FAT3: variants seen among roughly 807,000 people sequenced by gnomAD.
FAT3 encodes protocadherin Fat 3.
Under a neutral mutation model 310.2 loss-of-function variants are expected in FAT3, and 95 were observed. The ratio of observed to expected loss-of-function variants is 0.31; its 90% CI spans 0.26 to 0.36. The LOEUF is 0.36. FAT3 is among the 10% of genes least tolerant of loss of function. The pLI is 1.00. For missense variants in FAT3, 5,408 were observed against 5,715.6 expected (o/e 0.95, Z 1.74); for synonymous variants, 2,314 against 2,192.9 (o/e 1.06, Z -1.54).
At chr11:92,412,744 TAAATATAC>T (rs1378553975) in intron 2 of FAT3, among the ~76,000 whole-genome samples, 998 of 32,824 alleles carry the variant, frequency 0.03, 179 homozygotes, top group African/African-American at 0.077. Context: ...TATATATATA[TAAATATAC>T]ATACATATAT....
Position 92,467,398 on chromosome 11 carries a change from T to G in FAT3, c.3293-57236T>G, listed in dbSNP as rs988028400. ...CTTTTGACATATTTAGTAATTCTCC[T>G]CTTTTGTGAACACACAAACACACAC... On this transcript the variant is annotated intron_variant, in intron 2 of 27. Coordinates refer to ENST00000525166, the MANE Select transcript of FAT3 (RefSeq NM_001367949.2). Among the ~76,000 whole-genome samples the G allele has an allele frequency of 2.0e-5, 3 of 152,330 alleles. No individual in the cohort carries two copies. In the East Asian group the frequency reaches 5.8e-4, roughly 29 times the overall value.
intron 1 of FAT3, among the ~76,000 whole-genome samples, chr11:92,280,971 T>A (rs1231212840): frequency 6.6e-6 from 1 of 152,224 alleles, no homozygotes; most frequent in Admixed American, 6.5e-5. Context: ...CCTCTAAGAA[T>A]CTGTTTTAGT....
At chr11:92,579,847 T>C (rs778931917) in intron 3 of FAT3, among the ~76,000 whole-genome samples, 1 of 152,082 alleles carries the variant, frequency 6.6e-6, no homozygotes, top group Non-Finnish European at 1.5e-5. Flanking sequence ...CCCCAAATGG[T>C]AAAGATAATT....
At chr11:92,591,837 G>T (rs959095894) in intron 3 of FAT3, among the ~76,000 whole-genome samples, 1 of 152,020 alleles carries the variant, frequency 6.6e-6, no homozygotes, top group African/African-American at 2.4e-5. Context: ...TTATTTCTTT[G>T]GATCTGTCTT....
intron 4 of FAT3, among the ~76,000 whole-genome samples, chr11:92,755,757 C>T (rs144456069): frequency 8.5e-5 from 13 of 152,248 alleles, no homozygotes; most frequent in African/African-American, 2.4e-4. Flanking sequence ...GTTCCTCTTA[C>T]CAAATATACC....
In FAT3 at chr11:92,264,703, GC is replaced by G. The variant is rs1348502848; in HGVS notation, c.-18+39531del. 3.3e-5 allele frequency among the ~76,000 whole-genome samples: 5 copies of G among 152,108 alleles called. No homozygotes were observed. The East Asian group carries it at 7.7e-4, about 24-fold the overall frequency. ...CGTGAGAGAAGTGACAGAGACACTA[GC>G]CATGCTTCTTCCCAGTGATGCCATA... On this transcript the variant is annotated intron_variant, in intron 1 of 27. Coordinates refer to ENST00000525166, the MANE Select transcript of FAT3 (RefSeq NM_001367949.2).
At chr11:92,742,291 C>A (rs1945529868) in intron 4 of FAT3, among the ~76,000 whole-genome samples, 1 of 152,168 alleles carries the variant, frequency 6.6e-6, no homozygotes, top group African/African-American at 2.4e-5. Context: ...AACAGTACAG[C>A]AGGCCTTAGA....
intron 3 of FAT3, among the ~76,000 whole-genome samples, chr11:92,619,034 A>G (rs1940958159): frequency 6.6e-6 from 1 of 152,030 alleles, no homozygotes; most frequent in African/African-American, 2.4e-5. Flanking sequence ...GATTTGTTTC[A>G]TGTTTTAATC....
In FAT3 at chr11:92,303,907, T is replaced by A. The variant is rs139732215; in HGVS notation, c.-17-48189T>A. 1.1e-3 allele frequency among the ~76,000 whole-genome samples: 168 copies of A among 152,246 alleles called. 1 individual carries two copies. Among genetic ancestry groups the A allele is most frequent in the African/African-American group, 4.0e-3 (165 of 41,568 alleles). ...TTTAGAGGGTTTTAGATTCTGATAG[T>A]AATAAGTGCAGAACCTTTTTTTCGC... On this transcript the variant is annotated intron_variant, in intron 1 of 27. Coordinates refer to ENST00000525166, the MANE Select transcript of FAT3 (RefSeq NM_001367949.2).
chr11:92,382,046 T>A (rs191028948), intron 2 of FAT3, among the ~76,000 whole-genome samples: 289 of 152,202 alleles, frequency 1.9e-3, no homozygotes, highest in Non-Finnish European at 3.7e-3. Context: ...AAGGAGAAAA[T>A]TGAACTCTGG....
Position 92,277,859 on chromosome 11 carries a change from C to CTT in FAT3, c.-18+52695_-18+52696dup, listed in dbSNP as rs148961924. Among the ~76,000 whole-genome samples, 17 of 147,962 alleles carry CTT rather than the reference C, an allele frequency of 1.1e-4. No individual in the cohort carries two copies. In the East Asian group the frequency reaches 2.4e-3, roughly 21 times the overall value. ...TAACCCCTGATTCTAAAAAGTCAAT[C>CTT]TTTTTTTTTTTAAAAAAAAAAGGTA... On this transcript the variant is annotated intron_variant, in intron 1 of 27. Coordinates refer to ENST00000525166, the MANE Select transcript of FAT3 (RefSeq NM_001367949.2).
chr11:92,390,510 C>A (rs2134809364), intron 2 of FAT3, among the ~76,000 whole-genome samples: 1 of 152,262 alleles, frequency 6.6e-6, no homozygotes, highest in South Asian at 2.1e-4. Flanking sequence ...ACCATGCCTT[C>A]CGAGGATGGA....
intron 3 of FAT3, among the ~76,000 whole-genome samples, chr11:92,689,671 A>T (rs1943740964): frequency 6.6e-6 from 1 of 152,146 alleles, no homozygotes; most frequent in Non-Finnish European, 1.5e-5. Context: ...TGGGAGTGGG[A>T]AGTATCCAGG....
At chr11:92,316,686 G>A (rs770731073) in intron 1 of FAT3, among the ~76,000 whole-genome samples, 5 of 151,818 alleles carry the variant, frequency 3.3e-5, no homozygotes, top group African/African-American at 4.8e-5. Context: ...TTTTCTTTGT[G>A]TTGAGGAAAA....
At chr11:92,282,663 A>AGT (rs1565199567) in intron 1 of FAT3, among the ~76,000 whole-genome samples, 3 of 152,052 alleles carry the variant, frequency 2.0e-5, no homozygotes, top group African/African-American at 7.2e-5. Context: ...AAAATAAAAA[A>AGT]AAAAAAAAAG....
At chr11:92,458,456 C>T (rs188007217) in intron 2 of FAT3, among the ~76,000 whole-genome samples, 2 of 152,266 alleles carry the variant, frequency 1.3e-5, no homozygotes, top group Admixed American at 1.3e-4. Flanking sequence ...CTACTATTAA[C>T]CCAGTAGGGA....
intron 4 of FAT3, among the ~76,000 whole-genome samples, chr11:92,701,623 T>C (rs1405183812): frequency 6.6e-6 from 1 of 152,226 alleles, no homozygotes; most frequent in African/African-American, 2.4e-5. Context: ...TTTTAGCTCA[T>C]TTGTTCAAAG....
At chr11:92,245,250 C>T (rs1864850157) in intron 1 of FAT3, among the ~76,000 whole-genome samples, 1 of 151,690 alleles carries the variant, frequency 6.6e-6, no homozygotes, top group Non-Finnish European at 1.5e-5. Flanking sequence ...AATAGAAAAC[C>T]AAACATCGCA....
rs561449358 is a variant in FAT3, at chr11:92,759,460, G to C, written c.3670-2396G>C. On this transcript the variant is annotated intron_variant, in intron 4 of 27. Coordinates refer to ENST00000525166, the MANE Select transcript of FAT3 (RefSeq NM_001367949.2). ...TACAGAATGAGGGGGCGGGAAAGCT[G>C]GCACTTGGTCTGTGGGGTCAGAGAA... is the stretch of plus-strand genomic sequence containing the variant. Among the ~76,000 whole-genome samples the C allele has an allele frequency of 2.6e-5, 4 of 152,302 alleles. No homozygotes were observed. The South Asian group carries it at 6.2e-4, about 24-fold the overall frequency.
Sources: gnomAD v4.1 joint callset for allele counts (sites outside exome capture counted in the v4.1 genomes callset) on GRCh38, gnomAD v4.1.1 for gene constraint, MANE v1.5 for transcripts, NCBI Gene and HGNC (gene_info 2026-07-23, HGNC 2026-07-21) for gene names.